Variants in DCC observed in about 807,000 individuals in gnomAD.
The protein encoded by DCC is netrin receptor DCC.
In DCC, 58 loss-of-function variants were observed where a neutral mutation model predicts 172.5. The observed-to-expected ratio is 0.34, with a 90% CI of 0.27 to 0.42. The LOEUF is 0.42. Among genes scored for constraint, DCC ranks in the 10% least tolerant of loss-of-function variants. The probability of loss-of-function intolerance (pLI) is 1.00; values close to 1 mark genes in which losing one functional copy is unlikely to be tolerated. For synonymous variants in DCC, 709 were observed against 644.5 expected (o/e 1.10, Z -1.52); for missense variants, 1,740 against 1,791.0 (o/e 0.97, Z 0.51).
chr18:52,378,556 T>TGA (rs556624573), intron 1 of DCC, among the ~76,000 whole-genome samples: 2 of 151,782 alleles, frequency 1.3e-5, no homozygotes, highest in African/African-American at 2.4e-5. Flanking sequence ...ATACTTTTTT[T>TGA]GAGAGAGAGA....
intron 1 of DCC, among the ~76,000 whole-genome samples, chr18:52,685,907 T>G (rs75269730): frequency 0.02 from 3,081 of 152,246 alleles, 49 homozygotes; most frequent in Middle Eastern, 0.065. Flanking sequence ...TGTATTATAT[T>G]AGAAAGATTC....
intron 1 of DCC, among the ~76,000 whole-genome samples, chr18:52,749,330 C>A (rs969997959): frequency 6.6e-6 from 1 of 152,178 alleles, no homozygotes. Context: ...AGGCTTTTTT[C>A]GGCTTGAAGG....
In DCC at chr18:52,625,780, C is replaced by T. The variant is rs540318111; in HGVS notation, c.92-126274C>T. Among the ~76,000 whole-genome samples, 33 of 152,332 alleles carry T rather than the reference C, an allele frequency of 2.2e-4. No homozygotes were observed. In the South Asian group the frequency reaches 6.6e-3, roughly 31 times the overall value. ...TCTGATCAGATTTTCACCTCCATCA[C>T]TTCATCGCCAATGACTTCTGCATGC... On this transcript the variant is annotated intron_variant, in intron 1 of 28. Transcript: ENST00000442544.
At chr18:52,429,537 C>G (rs1987551674) in intron 1 of DCC, among the ~76,000 whole-genome samples, 1 of 152,018 alleles carries the variant, frequency 6.6e-6, no homozygotes, top group African/African-American at 2.4e-5. Context: ...TCTATGTAAT[C>G]AGATGAATTT....
intron 13 of DCC, among the ~76,000 whole-genome samples, chr18:53,313,838 C>T (rs1207762092): frequency 6.6e-6 from 1 of 152,138 alleles, no homozygotes; most frequent in Admixed American, 6.5e-5. Flanking sequence ...CAAGGATAGT[C>T]CAAGCTTTAA....
intron 1 of DCC, among the ~76,000 whole-genome samples, chr18:52,631,882 A>C (rs2034683855): frequency 6.6e-6 from 1 of 152,186 alleles, no homozygotes; most frequent in Non-Finnish European, 1.5e-5. Flanking sequence ...CCACTTTGGA[A>C]AGCGCAGTCT....
intron 5 of DCC, among the ~76,000 whole-genome samples, chr18:53,050,834 T>C (rs928620344): frequency 6.6e-6 from 1 of 152,132 alleles, no homozygotes; most frequent in African/African-American, 2.4e-5. Flanking sequence ...GGCTTGGAAA[T>C]TTTTTAAATG....
chr18:52,480,255 G>T (rs969967692), intron 1 of DCC, among the ~76,000 whole-genome samples: 1 of 134,980 alleles, frequency 7.4e-6, no homozygotes, highest in South Asian at 2.7e-4. Context: ...ATAAGAACAG[G>T]GGATAGATCT....
rs1413194034 is a variant in DCC, at chr18:52,411,393, T to TG, written c.91+70517dup. Among the ~76,000 whole-genome samples the TG allele has an allele frequency of 2.0e-5, 3 of 152,268 alleles. No individual in the cohort carries two copies. In the East Asian group the frequency reaches 5.8e-4, roughly 30 times the overall value. ...CAGATACAGGCTGTTGGACCCTGCATGGAAAACTAAAGCAAGCTATGCCGA... is the reference window on the plus strand; with the variant it reads ...CAGATACAGGCTGTTGGACCCTGCATGGGAAAACTAAAGCAAGCTATGCCGA... On this transcript the variant is annotated intron_variant, in intron 1 of 28. Transcript: ENST00000442544.
chr18:53,308,273 G>A (rs890182768), intron 13 of DCC, among the ~76,000 whole-genome samples: 1 of 151,744 alleles, frequency 6.6e-6, no homozygotes, highest in African/African-American at 2.4e-5. Flanking sequence ...TTAAAACATA[G>A]TAAGCAAATA....
chr18:53,149,740 T>C (rs1383623187), intron 7 of DCC, among the ~76,000 whole-genome samples: 2 of 152,194 alleles, frequency 1.3e-5, no homozygotes, highest in Non-Finnish European at 2.9e-5. Flanking sequence ...CCTCCTTTTT[T>C]CTGAAAAGAG....
chr18:52,807,041 ATTAG>A (rs1431166190), intron 2 of DCC, among the ~76,000 whole-genome samples: 1 of 152,192 alleles, frequency 6.6e-6, no homozygotes, highest in Non-Finnish European at 1.5e-5. Flanking sequence ...AAACACAAAA[ATTAG>A]TTAGCTGGGC....
intron 5 of DCC, among the ~76,000 whole-genome samples, chr18:52,950,288 C>T (rs1447846459): frequency 6.6e-6 from 1 of 152,184 alleles, no homozygotes; most frequent in Non-Finnish European, 1.5e-5. Flanking sequence ...TGGACTTACT[C>T]TCTCTGTGTC....
chr18:53,016,953 G>A (rs1219270093), intron 5 of DCC, among the ~76,000 whole-genome samples: 1 of 152,056 alleles, frequency 6.6e-6, no homozygotes, highest in African/African-American at 2.4e-5. Context: ...TTCAGCCAGA[G>A]GAATATTTTG....
At chr18:52,618,708 T>A (rs1341131124) in intron 1 of DCC, among the ~76,000 whole-genome samples, 2 of 152,216 alleles carry the variant, frequency 1.3e-5, no homozygotes, top group Admixed American at 6.5e-5. Flanking sequence ...ATTCTTCAGC[T>A]GTATTCTAAT....
At chr18:52,501,282 A>G (rs2031007794) in intron 1 of DCC, among the ~76,000 whole-genome samples, 1 of 152,154 alleles carries the variant, frequency 6.6e-6, no homozygotes, top group Non-Finnish European at 1.5e-5. Context: ...TATCTGGCAC[A>G]GAATTGGAGT....
chr18:53,244,658 G>C (rs762735243), intron 12 of DCC, among the ~76,000 whole-genome samples: 1 of 152,024 alleles, frequency 6.6e-6, no homozygotes, highest in Non-Finnish European at 1.5e-5. Context: ...TTATCTCCAC[G>C]TGGCCTCTCC....
intron 2 of DCC, among the ~76,000 whole-genome samples, chr18:52,789,748 A>G (rs565690904): frequency 2.7e-4 from 41 of 152,266 alleles, no homozygotes; most frequent in Admixed American, 1.2e-3. Context: ...AAACAACTCC[A>G]TTTTGTTTCC....
At chr18:53,280,920 C>T (rs2056862806) in intron 12 of DCC, among the ~76,000 whole-genome samples, 1 of 152,074 alleles carries the variant, frequency 6.6e-6, no homozygotes, top group Admixed American at 6.6e-5. Context: ...GATTAACTAT[C>T]TTGTAATTTC....
Sources: gnomAD v4.1 joint callset for allele counts (sites outside exome capture counted in the v4.1 genomes callset) on GRCh38, gnomAD v4.1.1 for gene constraint, MANE v1.5 for transcripts, NCBI Gene and HGNC (gene_info 2026-07-23, HGNC 2026-07-21) for gene names.